The following CALN1 variants were observed in gnomAD, a reference collection of about 807,000 sequenced individuals.
CALN1 encodes the protein calcium-binding protein 8.
CALN1 carries 17 observed loss-of-function variants against 30.6 expected under a neutral mutation model. That is an observed-to-expected ratio of 0.56 (90% CI 0.38 to 0.83). The LOEUF (loss-of-function observed/expected upper bound fraction) is 0.83. Ranked by LOEUF, CALN1 falls within the 40% of genes least tolerant of loss-of-function variation. The pLI, the probability that CALN1 is intolerant of heterozygous loss-of-function variation, is 0.00. For synonymous variants in CALN1, 156 were observed against 131.4 expected, an observed-to-expected ratio of 1.19 and a Z score of -1.28; for missense variants, 291 against 354.9, an observed-to-expected ratio of 0.82 and a Z score of 1.45.
At chr7:72,223,982 A>G (rs761104620) in intron 3 of CALN1, among the ~76,000 whole-genome samples, 14 of 152,278 alleles carry the variant, frequency 9.2e-5, no homozygotes, top group Non-Finnish European at 1.9e-4. Context: ...GGAACAACAG[A>G]CAGTGGGGAC....
chr7:72,250,968 T>G (rs1454751233), intron 3 of CALN1, among the ~76,000 whole-genome samples: 1 of 152,194 alleles, frequency 6.6e-6, no homozygotes, highest in Non-Finnish European at 1.5e-5. Flanking sequence ...TCCTTTATCC[T>G]TGGCTGTTGG....
At chr7:72,043,579 G>C (rs2129534329) in intron 4 of CALN1, among the ~76,000 whole-genome samples, 1 of 152,036 alleles carries the variant, frequency 6.6e-6, no homozygotes, top group South Asian at 2.1e-4. Context: ...AACCAGCTTG[G>C]ACAACATAGC....
At chr7:72,297,781 T>A (rs1798968937) in intron 2 of CALN1, among the ~76,000 whole-genome samples, 1 of 152,262 alleles carries the variant, frequency 6.6e-6, no homozygotes, top group African/African-American at 2.4e-5. Context: ...CAATTCCATC[T>A]GACAAGCATG....
intron 5 of CALN1, among the ~76,000 whole-genome samples, chr7:71,834,277 T>C (rs181182313): frequency 1.0e-5 from 1 of 97,864 alleles, no homozygotes; most frequent in East Asian, 2.9e-4. Flanking sequence ...ATTACATAAA[T>C]GACACAGAGT....
At position 71,874,514 on chromosome 7, in the gene CALN1, A is replaced by G. The variant is rs1039566106; in HGVS notation, c.502-64022T>C. Among the ~76,000 whole-genome samples the G allele has an allele frequency of 1.2e-4, 18 of 152,256 alleles. No individual in the cohort carries two copies. The South Asian group carries it at 1.7e-3, about 14-fold the overall frequency. On this transcript the variant is annotated intron_variant, in intron 5 of 6. Transcript: ENST00000395275. The stretch of plus-strand genomic sequence containing the variant: ...CTTCATTCTCTAGTTTGGGTTCCAG[A>G]GCACGGAATGACTTTGTGATTTAAA...
chr7:72,384,241 T>G (rs1805076173), intron 2 of CALN1, among the ~76,000 whole-genome samples: 1 of 152,192 alleles, frequency 6.6e-6, no homozygotes, highest in Non-Finnish European at 1.5e-5. Flanking sequence ...GTGTAGTTTT[T>G]CCTTGGGAGG....
chr7:72,401,986 G>C (rs149438234), intron 2 of CALN1, among the ~76,000 whole-genome samples: 2 of 152,270 alleles, frequency 1.3e-5, no homozygotes, highest in East Asian at 1.9e-4. Flanking sequence ...CCTGCCTTTG[G>C]TGGAAGGTCC....
chr7:72,014,186 C>T (rs915865376), intron 5 of CALN1, among the ~76,000 whole-genome samples: 1 of 151,148 alleles, frequency 6.6e-6, no homozygotes, highest in Non-Finnish European at 1.5e-5. Flanking sequence ...CCCTGGGCTC[C>T]GGTGATTCCC....
intron 5 of CALN1, among the ~76,000 whole-genome samples, chr7:72,007,530 G>A (rs1799841584): frequency 6.6e-6 from 1 of 152,184 alleles, no homozygotes; most frequent in South Asian, 2.1e-4. Flanking sequence ...CTGGGCAAGA[G>A]AGCGAGACTC....
At chr7:72,141,191 G>C (rs1809908021) in intron 3 of CALN1, among the ~76,000 whole-genome samples, 1 of 152,112 alleles carries the variant, frequency 6.6e-6, no homozygotes, top group Non-Finnish European at 1.5e-5. Flanking sequence ...CCAGAAATTT[G>C]GGAGGCTGAG....
chr7:72,089,824 A>G (rs1390912340), intron 4 of CALN1, among the ~76,000 whole-genome samples: 2 of 152,206 alleles, frequency 1.3e-5, no homozygotes, highest in Admixed American at 6.5e-5. Flanking sequence ...AATACATCAC[A>G]ATAATTTATC....
At chr7:72,140,323 G>A (rs1257122122) in intron 3 of CALN1, among the ~76,000 whole-genome samples, 1 of 123,738 alleles carries the variant, frequency 8.1e-6, no homozygotes, top group East Asian at 2.8e-4. Flanking sequence ...GAGGAACAGA[G>A]AAAGGGAGAA....
intron 2 of CALN1, among the ~76,000 whole-genome samples, chr7:72,288,482 G>C (rs532348949): frequency 6.6e-6 from 1 of 152,100 alleles, no homozygotes; most frequent in Non-Finnish European, 1.5e-5. Flanking sequence ...CCAACACTTA[G>C]GGGGAAAGGA....
At chr7:72,296,311 G>A (rs1447761770) in intron 2 of CALN1, among the ~76,000 whole-genome samples, 5 of 141,730 alleles carry the variant, frequency 3.5e-5, no homozygotes, top group African/African-American at 1.0e-4. Flanking sequence ...CAAGGATATT[G>A]GTCTAAAATT....
At chr7:72,384,120 G>A (rs900331105) in intron 2 of CALN1, among the ~76,000 whole-genome samples, 1 of 152,188 alleles carries the variant, frequency 6.6e-6, no homozygotes, top group African/African-American at 2.4e-5. Context: ...GGAGGAAGGA[G>A]GCGGCAAAAT....
chr7:71,935,263 G>T (rs1795767861), intron 5 of CALN1, among the ~76,000 whole-genome samples: 1 of 152,320 alleles, frequency 6.6e-6, no homozygotes, highest in African/African-American at 2.4e-5. Context: ...CAAAGGAGTT[G>T]TTTCAGCTCT....
intron 5 of CALN1, among the ~76,000 whole-genome samples, chr7:71,903,444 C>T (rs1328761966): frequency 6.6e-6 from 1 of 152,002 alleles, no homozygotes; most frequent in Non-Finnish European, 1.5e-5. Flanking sequence ...CAAGAACACA[C>T]AATGGGGAAA....
intron 5 of CALN1, among the ~76,000 whole-genome samples, chr7:71,995,217 T>C (rs1799192487): frequency 6.6e-6 from 1 of 152,202 alleles, no homozygotes; most frequent in Non-Finnish European, 1.5e-5. Context: ...TGCCTGGTCC[T>C]TACTGTACAC....
At chr7:72,314,213 C>T (rs1800258469) in intron 2 of CALN1, among the ~76,000 whole-genome samples, 1 of 152,174 alleles carries the variant, frequency 6.6e-6, no homozygotes. Flanking sequence ...AGAATTCCAG[C>T]AGCTGAGCCT....
Sources: gnomAD v4.1 joint callset for allele counts (sites outside exome capture counted in the v4.1 genomes callset) on GRCh38, gnomAD v4.1.1 for gene constraint, MANE v1.5 for transcripts, NCBI Gene and HGNC (gene_info 2026-07-23, HGNC 2026-07-21) for gene names.